Variants in AP4E1 observed in about 807,000 individuals in gnomAD.
AP4E1 encodes AP-4 complex subunit epsilon-1.
AP4E1 carries 56 observed loss-of-function variants against 128.2 expected under a neutral mutation model. The observed-to-expected ratio is 0.44, with a 90% CI of 0.35 to 0.55. The LOEUF (loss-of-function observed/expected upper bound fraction) is 0.55, where lower values mean the gene tolerates loss of function less well. AP4E1 is among the 20% of genes least tolerant of loss of function. The probability of loss-of-function intolerance (pLI) is 0.00; values close to 1 mark genes in which losing one functional copy is unlikely to be tolerated. For synonymous variants in AP4E1, 484 were observed against 473.1 expected (o/e 1.02, Z -0.30); for missense variants, 1,324 against 1,307.7 (o/e 1.01, Z -0.19).
intron 15 of AP4E1, among the ~76,000 whole-genome samples, chr15:50,982,752 C>T (rs184198034): frequency 1.3e-5 from 2 of 152,094 alleles, no homozygotes; most frequent in African/African-American, 4.8e-5. Context: ...AACTAGCAAG[C>T]ATTTATTTAG....
At chr15:50,909,643 C>T (rs2063539204) in intron 1 of AP4E1, among the ~76,000 whole-genome samples, 1 of 152,060 alleles carries the variant, frequency 6.6e-6, no homozygotes, top group Non-Finnish European at 1.5e-5. Context: ...TGCAATGGTG[C>T]GATCTCGATC....
At chr15:50,924,082 T>C (rs2063740536) in intron 4 of AP4E1, 78 bp downstream of exon 4, 1 of 1,182,906 alleles carries the variant, frequency 8.5e-7, no homozygotes, top group African/African-American at 1.5e-5. Context: ...CATATTCAAC[T>C]AGATGAGATT....
intron 8 of AP4E1, among the ~76,000 whole-genome samples, chr15:50,939,906 T>A (rs1291574555): frequency 6.6e-6 from 1 of 152,184 alleles, no homozygotes; most frequent in Admixed American, 6.6e-5. Context: ...ATAGTAAATA[T>A]TTTAGGCTTT....
intron 1 of AP4E1, among the ~76,000 whole-genome samples, chr15:50,910,216 TC>T (rs1248051003): frequency 6.6e-6 from 1 of 152,096 alleles, no homozygotes; most frequent in Non-Finnish European, 1.5e-5. Context: ...TGAACTGACC[TC>T]AAGTGTTCGC....
chr15:50,990,914 C>T (rs148714663), intron 16 of AP4E1, among the ~76,000 whole-genome samples: 65 of 152,174 alleles, frequency 4.3e-4, no homozygotes, highest in Middle Eastern at 3.4e-3. Flanking sequence ...TTAGGAGTGT[C>T]GTTGGGATCA....
At chr15:50,916,405 A>C (rs2063631884) in intron 3 of AP4E1, among the ~76,000 whole-genome samples, 1 of 152,204 alleles carries the variant, frequency 6.6e-6, no homozygotes, top group African/African-American at 2.4e-5. Context: ...TCTATAGTCA[A>C]CCTTTAGGGC....
At chr15:50,962,437 C>A (rs2064328278) in intron 14 of AP4E1, among the ~76,000 whole-genome samples, 1 of 151,592 alleles carries the variant, frequency 6.6e-6, no homozygotes, top group Admixed American at 6.6e-5. Flanking sequence ...CAGAGGGAAC[C>A]CAGAAAAACC....
chr15:50,968,421 AATTTTTGAT>A, intron 15 of AP4E1, 44 bp downstream of exon 15: 7 of 1,327,080 alleles, frequency 5.3e-6, no homozygotes, highest in Non-Finnish European at 7.5e-6. Context: ...GTAGGGATGT[AATTTTTGAT>A]ATTATAGTCA....
chr15:51,001,630 G>A (rs2140940061), intron 20 of AP4E1, among the ~76,000 whole-genome samples: 1 of 152,202 alleles, frequency 6.6e-6, no homozygotes, highest in African/African-American at 2.4e-5. Flanking sequence ...CTTTGTATCT[G>A]GCTTATTTCA....
At chr15:50,967,396 G>A (rs2064408070) in intron 14 of AP4E1, among the ~76,000 whole-genome samples, 1 of 152,186 alleles carries the variant, frequency 6.6e-6, no homozygotes, top group Admixed American at 6.5e-5. Flanking sequence ...AGAGGAGAAG[G>A]CGAAGTAACA....
At chr15:50,958,138 C>G (rs539646210) in intron 13 of AP4E1, among the ~76,000 whole-genome samples, 2 of 152,170 alleles carry the variant, frequency 1.3e-5, no homozygotes, top group South Asian at 2.1e-4. Flanking sequence ...CCTCTTACTA[C>G]GTGTAGTAAG....
At chr15:50,955,951 G>T (rs2064217304) in intron 13 of AP4E1, among the ~76,000 whole-genome samples, 1 of 152,172 alleles carries the variant, frequency 6.6e-6, no homozygotes, top group African/African-American at 2.4e-5. Context: ...GTTACTGTCT[G>T]AAACTTTTCT....
chr15:50,920,105 TA>T (rs2063679572), intron 3 of AP4E1, among the ~76,000 whole-genome samples: 1 of 127,522 alleles, frequency 7.8e-6, no homozygotes. Context: ...AGATAAAATT[TA>T]TGCCTTTTTT....
chr15:50,948,218 T>C (rs2064090234), intron 11 of AP4E1, 59 bp downstream of exon 11: 1 of 1,592,618 alleles, frequency 6.3e-7, no homozygotes. Context: ...GACTTTAAGA[T>C]GATTGGTATA....
At position 50,999,085 on chromosome 15, in the gene AP4E1, C is replaced by T. The variant is rs758153214; in HGVS notation, c.2918C>T (p.Pro973Leu). ...PAENFKVTEQ[P>L]GCCLPVMEAE... is the part of the protein sequence containing the mutation. ...TTCTATTTGCAGGTGACTGAGCAAC[C>T]TGGATGCTGTTTGCCTGTAATGGAA... Residue 973 changes from proline to leucine, a missense_variant, in exon 19 of 21, where the codon CCT (proline) becomes CTT (leucine). Physicochemically the swap from Pro to Leu is moderately conservative, Grantham distance 98. Coordinates refer to ENST00000261842, the MANE Select transcript of AP4E1 (RefSeq NM_007347.5). 2 of 1,613,996 alleles carry T rather than the reference C, an allele frequency of 1.2e-6. No homozygotes were observed. Among genetic ancestry groups the T allele is most frequent in the Non-Finnish European group, 1.7e-6 (2 of 1,179,938 alleles).
chr15:50,918,287 G>A (rs976212831), intron 3 of AP4E1, among the ~76,000 whole-genome samples: 4 of 152,086 alleles, frequency 2.6e-5, no homozygotes, highest in African/African-American at 9.7e-5. Flanking sequence ...AACTACCTGG[G>A]AACCTGTTTA....
intron 10 of AP4E1, among the ~76,000 whole-genome samples, chr15:50,943,039 C>T (rs1360423065): frequency 2.6e-5 from 4 of 152,012 alleles, no homozygotes; most frequent in Non-Finnish European, 1.5e-5. Flanking sequence ...TCATTCCTTT[C>T]CCCTCCTGCC....
At chr15:50,911,732 C>A (rs1370020708) in intron 1 of AP4E1, among the ~76,000 whole-genome samples, 1 of 152,116 alleles carries the variant, frequency 6.6e-6, no homozygotes, top group African/African-American at 2.4e-5. Context: ...CTCGCCTTGG[C>A]CTCCCAAAGT....
chr15:50,994,060 A>G (rs1017218777), intron 17 of AP4E1, among the ~76,000 whole-genome samples: 1 of 152,236 alleles, frequency 6.6e-6, no homozygotes, highest in African/African-American at 2.4e-5. Context: ...AGCTCTAAGA[A>G]TGATCAATAA....
Sources: gnomAD v4.1 joint callset for allele counts (sites outside exome capture counted in the v4.1 genomes callset) on GRCh38, gnomAD v4.1.1 for gene constraint, MANE v1.5 for transcripts, NCBI Gene and HGNC (gene_info 2026-07-23, HGNC 2026-07-21) for gene names.